The following NADSYN1 variants were observed in gnomAD, a reference collection of about 807,000 sequenced individuals.
The protein encoded by NADSYN1 is NAD synthetase 1.
A neutral mutation model predicts 99.3 loss-of-function variants in NADSYN1; 80 were observed. The observed-to-expected ratio is 0.81, with a 90% CI of 0.67 to 0.97. The LOEUF (loss-of-function observed/expected upper bound fraction) is 0.97, where lower values mean the gene tolerates loss of function less well. NADSYN1 is among the 50% of genes least tolerant of loss of function. NADSYN1 has a pLI of 0.00. For missense variants in NADSYN1, 859 were observed against 948.5 expected, an observed-to-expected ratio of 0.91 and a Z score of 1.24; for synonymous variants, 385 against 372.1, an observed-to-expected ratio of 1.03 and a Z score of -0.40.
intron 18 of NADSYN1, 87 bp from the exon 19 acceptor site, chr11:71,497,396 C>G (rs1949827075): frequency 6.4e-7 from 1 of 1,570,934 alleles, no homozygotes; most frequent in Non-Finnish European, 8.7e-7. Context: ...CCTCCTTGGT[C>G]TCTGGTTCCC....
At chr11:71,492,049 G>T in intron 18 of NADSYN1, 146 bp downstream of exon 18, 1 of 670,192 alleles carries the variant, frequency 1.5e-6, no homozygotes, top group South Asian at 1.9e-5. Flanking sequence ...AGGGCTCAGT[G>T]TCAGTCACAT....
chr11:71,458,762 G>C (rs1949529640), intron 3 of NADSYN1: 1 of 522,814 alleles, frequency 1.9e-6, no homozygotes, highest in African/African-American at 1.9e-5. Flanking sequence ...GGATGTGTCA[G>C]TTCTTCCAGA....
At chr11:71,467,717 A>C (rs547023181) in intron 5 of NADSYN1, among the ~76,000 whole-genome samples, 2 of 152,342 alleles carry the variant, frequency 1.3e-5, no homozygotes, top group Admixed American at 6.5e-5. Flanking sequence ...GACATTAAGA[A>C]ACATGAGAAA....
intron 15 of NADSYN1, 36 bp downstream of exon 15, chr11:71,484,483 G>A (rs758096047): frequency 5.6e-6 from 9 of 1,595,458 alleles, no homozygotes; most frequent in Non-Finnish European, 7.7e-6. Flanking sequence ...CTGGGGGTGG[G>A]GGTGCAGGGA....
In NADSYN1 at chr11:71,481,727, G is replaced by A. The variant is rs1591131134; in HGVS notation, c.1048-196G>A. 4 of 608,336 alleles carry A rather than the reference G, an allele frequency of 6.6e-6. No individual in the cohort carries two copies. In the East Asian group the frequency reaches 8.3e-5, roughly 13 times the overall value. 37.7% of individuals were successfully genotyped at this position (608,336 alleles called of 1,614,324 possible). A position where few individuals can be genotyped will look rare whatever the true frequency, so the allele number is the denominator to read the frequency against. On this transcript the variant is annotated intron_variant, in intron 12 of 20. Transcript: ENST00000319023. Reference sequence around the variant, plus strand: ...GTCAGCCTCTGACACGCCCCGCAGTGAAGTGTCTTTTTTCCCTCTGAAAAA... The same window carrying A: ...GTCAGCCTCTGACACGCCCCGCAGTAAAGTGTCTTTTTTCCCTCTGAAAAA...
intron 2 of NADSYN1, among the ~76,000 whole-genome samples, chr11:71,456,088 C>G (rs1024344467): frequency 6.6e-6 from 1 of 152,150 alleles, no homozygotes; most frequent in Non-Finnish European, 1.5e-5. Context: ...TCTGGAAGTT[C>G]CTCTTCAGTC....
chr11:71,477,590 T>G lies in NADSYN1; in HGVS notation c.799-805T>G, dbSNP rs576182799. ...TCAGGAACACAATTTGATAAAGATA[T>G]TTTTTCATGAAGGAATAACCCCTAT... is the stretch of plus-strand genomic sequence containing the variant. On this transcript the variant is annotated intron_variant, in intron 9 of 20. Transcript: ENST00000319023. 4.8e-4 allele frequency among the ~76,000 whole-genome samples: 73 copies of G among 152,338 alleles called. 2 individuals are homozygous for G. Among genetic ancestry groups the G allele is most frequent in the Admixed American group, 4.6e-3 (70 of 15,302 alleles).
intron 3 of NADSYN1, chr11:71,460,345 G>A (rs1949543064): frequency 6.6e-6 from 1 of 152,074 alleles, no homozygotes; most frequent in Non-Finnish European, 1.5e-5. Context: ...TCTTTTTTTT[G>A]TTTGTTTTTG....
intron 8 of NADSYN1, 45 bp from the exon 9 acceptor site, chr11:71,474,350 G>A: frequency 6.2e-7 from 1 of 1,611,626 alleles, no homozygotes; most frequent in Non-Finnish European, 8.5e-7. Context: ...AGGTGAGGGT[G>A]GTGGACACAG....
Position 71,497,568 on chromosome 11 carries a change from G to A in NADSYN1, c.1850G>A (p.Cys617Tyr). Reference sequence around the variant, plus strand: ...AAGATGGGGCCCTACAGCATGTTCTGCAAACTCCTCGGCATGTGGAGACAC... The same window carrying A: ...AAGATGGGGCCCTACAGCATGTTCTACAAACTCCTCGGCATGTGGAGACAC... ...VAKMGPYSMF[C>Y]KLLGMWRHIC... The change falls in exon 19 of 21, where the codon TGC (cysteine) becomes TAC (tyrosine). Residue 617 changes from cysteine to tyrosine, a missense_variant. Cys to Tyr is a radical substitution (Grantham distance 194). Transcript: ENST00000319023. The A allele has an allele frequency of 6.2e-7, 1 of 1,614,122 alleles. No individual in the cohort carries two copies. The highest frequency in any genetic ancestry group is 1.1e-5 in the South Asian group (1 of 91,072).
intron 9 of NADSYN1, chr11:71,476,847 G>T: frequency 4.1e-6 from 4 of 986,132 alleles, no homozygotes; most frequent in Non-Finnish European, 4.8e-6. Flanking sequence ...GAGTCCTCGG[G>T]GGTCTGTATA....
intron 2 of NADSYN1, 75 bp from the exon 3 acceptor site, chr11:71,458,353 G>A (rs1949526560): frequency 1.8e-6 from 2 of 1,116,536 alleles, no homozygotes; most frequent in Admixed American, 3.4e-5. Flanking sequence ...GTTCAGACTG[G>A]ACTGGCCCAC....
At chr11:71,489,778 G>A (rs1354529925) in intron 16 of NADSYN1, among the ~76,000 whole-genome samples, 1 of 152,224 alleles carries the variant, frequency 6.6e-6, no homozygotes, top group Non-Finnish European at 1.5e-5. Flanking sequence ...AGGCACGGAG[G>A]TGTGAGTTTG....
chr11:71,453,894 C>G (rs1205528862), intron 1 of NADSYN1, among the ~76,000 whole-genome samples: 1 of 152,122 alleles, frequency 6.6e-6, no homozygotes, highest in Non-Finnish European at 1.5e-5. Context: ...CACCTGAGGT[C>G]AGGAGTTCAA....
intron 5 of NADSYN1, among the ~76,000 whole-genome samples, chr11:71,464,723 T>C (rs1461195397): frequency 6.6e-6 from 1 of 151,604 alleles, no homozygotes; most frequent in Non-Finnish European, 1.5e-5. Flanking sequence ...AAAAATTAGC[T>C]GGGCGTGGTG....
chr11:71,499,304 G>T (rs1949842391), intron 20 of NADSYN1: 1 of 152,220 alleles, frequency 6.6e-6, no homozygotes, highest in Non-Finnish European at 1.5e-5. Flanking sequence ...GTTATACCCG[G>T]TAATGGGGTG....
At chr11:71,453,428 ACCGTGGCTGGGCCCAGGCTTGC>A in intron 1 of NADSYN1, 47 bp downstream of exon 1, 1 of 1,523,634 alleles carries the variant, frequency 6.6e-7, no homozygotes, top group Non-Finnish European at 9.0e-7. Context: ...GCGCACGGGC[ACCGTGGCTGGGCCCAGGCTTGC>A]CCGTGGCGTG....
intron 16 of NADSYN1, among the ~76,000 whole-genome samples, 176 bp from the exon 17 acceptor site, chr11:71,490,669 T>TG (rs1949772496): frequency 6.6e-6 from 1 of 152,146 alleles, no homozygotes; most frequent in Non-Finnish European, 1.5e-5. Context: ...AAGGCCCTCC[T>TG]GGGTCCTCTG....
At chr11:71,485,797 C>T (rs552087730) in intron 16 of NADSYN1, 149 bp downstream of exon 16, 24 of 617,932 alleles carry the variant, frequency 3.9e-5, no homozygotes, top group Admixed American at 1.0e-4. Flanking sequence ...TCACCCAACC[C>T]GAGTGGCAGA....
Sources: allele counts gnomAD v4.1 joint callset (sites outside exome capture counted in the v4.1 genomes callset), GRCh38; gene constraint gnomAD v4.1.1; transcripts MANE v1.5; gene names NCBI Gene and HGNC (gene_info 2026-07-23, HGNC 2026-07-21).